TYR: variants seen among roughly 807,000 people sequenced by gnomAD.
The protein encoded by TYR is tyrosinase.
Under a neutral mutation model 51.5 loss-of-function variants are expected in TYR, and 58 were observed. That is an observed-to-expected ratio of 1.13 (90% CI 0.91 to 1.40). The LOEUF is 1.40. TYR is among the 40% of genes most tolerant of loss of function. The pLI is 0.00. For synonymous variants in TYR, 263 were observed against 235.2 expected, an observed-to-expected ratio of 1.12 and a Z score of -1.08; for missense variants, 732 against 647.4, an observed-to-expected ratio of 1.13 and a Z score of -1.42.
At chr11:89,261,116 A>AT (rs1225876346) in intron 3 of TYR, among the ~76,000 whole-genome samples, 9 of 152,282 alleles carry the variant, frequency 5.9e-5, no homozygotes, top group African/African-American at 2.2e-4. Flanking sequence ...ACAGCTAGGA[A>AT]TTATGTATTC....
At chr11:89,294,570 G>A (rs1196008754) in intron 4 of TYR, among the ~76,000 whole-genome samples, 1 of 152,230 alleles carries the variant, frequency 6.6e-6, no homozygotes, top group Non-Finnish European at 1.5e-5. Context: ...GTAACCAAGA[G>A]CGCCCCCAAC....
At chr11:89,185,495 G>C (rs1450190807) in intron 1 of TYR, among the ~76,000 whole-genome samples, 2 of 152,144 alleles carry the variant, frequency 1.3e-5, no homozygotes, top group Admixed American at 6.5e-5. Flanking sequence ...ACTAGATTCT[G>C]AGAGAAAAGA....
chr11:89,262,847 C>A (rs188268964), intron 3 of TYR, among the ~76,000 whole-genome samples: 1,537 of 19,386 alleles, frequency 0.079, 78 homozygotes, highest in Non-Finnish European at 0.1. Context: ...GCTACTCATC[C>A]AAAAAAAAAA....
intron 4 of TYR, among the ~76,000 whole-genome samples, chr11:89,291,966 A>C (rs2135329948): frequency 6.6e-6 from 1 of 152,038 alleles, no homozygotes; most frequent in East Asian, 1.9e-4. Flanking sequence ...CTACAATATT[A>C]TTTACAGTTC....
At chr11:89,222,939 G>A (rs566834953) in intron 2 of TYR, among the ~76,000 whole-genome samples, 38 of 152,136 alleles carry the variant, frequency 2.5e-4, no homozygotes, top group Non-Finnish European at 4.6e-4. Context: ...TGAGGAATTC[G>A]TGGACAAGGT....
intron 3 of TYR, among the ~76,000 whole-genome samples, chr11:89,236,862 ACCT>A (rs1418555607): frequency 6.6e-6 from 1 of 151,720 alleles, no homozygotes; most frequent in African/African-American, 2.4e-5. Flanking sequence ...TTCAGTTTTG[ACCT>A]CCTCCATAAA....
At chr11:89,204,382 G>T (rs1308159270) in intron 2 of TYR, among the ~76,000 whole-genome samples, 1 of 149,690 alleles carries the variant, frequency 6.7e-6, no homozygotes, top group Admixed American at 6.6e-5. Flanking sequence ...GTCAGAGAAA[G>T]CCAGGAGATT....
intron 3 of TYR, among the ~76,000 whole-genome samples, chr11:89,257,245 C>A (rs1358994951): frequency 6.6e-6 from 1 of 151,972 alleles, no homozygotes; most frequent in Non-Finnish European, 1.5e-5. Context: ...GAAACAATAG[C>A]TTAAAAACTG....
At position 89,227,853 on chromosome 11, in the gene TYR, A is replaced by T. The variant is rs180801021; in HGVS notation, c.1067A>T (p.Asp356Val). 98 of 1,613,316 alleles carry T rather than the reference A, an allele frequency of 6.1e-5. 1 individual carries two copies. The Admixed American group carries it at 1.3e-3, about 21-fold the overall frequency. The change falls in exon 3 of 5, where the codon GAT (aspartate) becomes GTT (valine). Residue 356 changes from aspartate to valine, a missense_variant. By Grantham distance (152) the Asp-to-Val change is radical. Transcript: ENST00000263321. ...GFASPLTGIA[D>V]ASQSSMHNAL... ...GCTAGTCCACTTACTGGGATAGCGG[A>T]TGCCTCTCAAAGCAGCATGCACAAT...
intron 2 of TYR, among the ~76,000 whole-genome samples, chr11:89,201,599 TATA>T (rs1245211511): frequency 6.6e-6 from 1 of 152,244 alleles, no homozygotes; most frequent in African/African-American, 2.4e-5. Flanking sequence ...TGGTGAAGAA[TATA>T]ATAATTACAG....
At chr11:89,190,361 CT>C (rs552944057) in intron 1 of TYR, among the ~76,000 whole-genome samples, 1 of 152,082 alleles carries the variant, frequency 6.6e-6, no homozygotes, top group Non-Finnish European at 1.5e-5. Flanking sequence ...ATATTGACAA[CT>C]TTGACTCTGT....
At chr11:89,269,720 G>C (rs1365010290) in intron 3 of TYR, among the ~76,000 whole-genome samples, 3 of 151,908 alleles carry the variant, frequency 2.0e-5, no homozygotes, top group Non-Finnish European at 4.4e-5. Flanking sequence ...TCTTAGCTAT[G>C]TAACAGGATT....
chr11:89,291,129 C>T (rs1418545414), intron 4 of TYR, among the ~76,000 whole-genome samples: 1 of 151,056 alleles, frequency 6.6e-6, no homozygotes, highest in African/African-American at 2.4e-5. Flanking sequence ...ATTTCCACAG[C>T]TGCCATTCAG....
intron 3 of TYR, chr11:89,283,878 A>G (rs1444677663): frequency 3.3e-5 from 5 of 151,778 alleles, no homozygotes; most frequent in Admixed American, 2.0e-4. Flanking sequence ...GCCTGATTTA[A>G]GTAGGAAAAG....
chr11:89,282,472 T>C (rs1944730958), intron 3 of TYR, among the ~76,000 whole-genome samples: 1 of 151,864 alleles, frequency 6.6e-6, no homozygotes, highest in African/African-American at 2.4e-5. Flanking sequence ...TAGAGTGTTG[T>C]GGATGCATAT....
chr11:89,218,469 G>A (rs2135274929), intron 2 of TYR, among the ~76,000 whole-genome samples: 1 of 152,138 alleles, frequency 6.6e-6, no homozygotes, highest in East Asian at 1.9e-4. Context: ...AATGAAGGAA[G>A]CTAACCAAAT....
intron 3 of TYR, among the ~76,000 whole-genome samples, chr11:89,264,859 CCT>C (rs1284535766): frequency 6.6e-6 from 1 of 151,890 alleles, no homozygotes; most frequent in African/African-American, 2.4e-5. Context: ...TAAGAACTCT[CCT>C]CTCTCCTTTG....
chr11:89,236,601 C>A (rs1944117540), intron 3 of TYR, among the ~76,000 whole-genome samples: 1 of 152,134 alleles, frequency 6.6e-6, no homozygotes, highest in Non-Finnish European at 1.5e-5. Context: ...TGGGTTACCA[C>A]AGAATATTGT....
chr11:89,204,695 G>A (rs552625252), intron 2 of TYR, among the ~76,000 whole-genome samples: 33 of 152,144 alleles, frequency 2.2e-4, no homozygotes, highest in African/African-American at 7.7e-4. Flanking sequence ...ACTGCGCCCA[G>A]CTGAGATTAT....
Sources: allele counts gnomAD v4.1 joint callset (sites outside exome capture counted in the v4.1 genomes callset), GRCh38; gene constraint gnomAD v4.1.1; transcripts MANE v1.5; gene names NCBI Gene and HGNC (gene_info 2026-07-23, HGNC 2026-07-21).